Variants in INTS7 observed in about 807,000 individuals in gnomAD.
The protein encoded by INTS7 is integrator complex subunit 7.
In INTS7, 46 loss-of-function variants were observed where a neutral mutation model predicts 109.2. The ratio of observed to expected loss-of-function variants is 0.42; its 90% CI spans 0.33 to 0.54. The LOEUF is 0.54. Ranked by LOEUF, INTS7 falls within the 20% of genes least tolerant of loss-of-function variation. INTS7 has a pLI of 0.07. For missense variants in INTS7, 929 were observed against 1,132.4 expected, an observed-to-expected ratio of 0.82 and a Z score of 2.58; for synonymous variants, 412 against 402.9, an observed-to-expected ratio of 1.02 and a Z score of -0.27.
rs1239852153 is a variant in INTS7, at chr1:211,959,391, TG to T, written c.2184-6691del. On this transcript the variant is annotated intron_variant, in intron 16 of 19. Transcript: ENST00000366994. The surrounding 1 kb of genome is among the most constrained non-coding windows in gnomAD (Gnocchi z 4.2). ...GCTTGCAGTGCAGCCTTGGGTGTCC[TG>T]GGGGGCCTGCATCATAGCTCCTGTG... Among the ~76,000 whole-genome samples the T allele has an allele frequency of 1.3e-5, 2 of 152,116 alleles. No individual in the cohort carries two copies. Among genetic ancestry groups the T allele is most frequent in the Non-Finnish European group, 2.9e-5 (2 of 68,008 alleles).
chr1:211,983,850 G>GT (rs1317863784), intron 8 of INTS7, among the ~76,000 whole-genome samples: 24 of 121,112 alleles, frequency 2.0e-4, no homozygotes, highest in East Asian at 9.0e-4. Flanking sequence ...TGTTTGTTTT[G>GT]TTTTGTTTTT....
At chr1:211,969,303 AAG>A (rs2102411058) in intron 13 of INTS7, among the ~76,000 whole-genome samples, 1 of 151,768 alleles carries the variant, frequency 6.6e-6, no homozygotes, top group East Asian at 1.9e-4. Context: ...ACAAAGAAAA[AAG>A]AAGATAATCG....
intron 16 of INTS7, among the ~76,000 whole-genome samples, chr1:211,957,948 C>T (rs1173479909): frequency 2.3e-4 from 35 of 151,646 alleles, no homozygotes; most frequent in Admixed American, 2.3e-3. Flanking sequence ...TGATATACTA[C>T]TAAATGTAAG....
At chr1:212,029,218 A>G (rs1290428919) in intron 1 of INTS7, among the ~76,000 whole-genome samples, 1 of 152,232 alleles carries the variant, frequency 6.6e-6, no homozygotes, top group Non-Finnish European at 1.5e-5. Context: ...TGAGGCAGAA[A>G]ATGAGTTTAT....
rs762126891 is a variant in INTS7, at chr1:211,976,616, G to A, written c.1574C>T (p.Thr525Ile). 3.1e-6 allele frequency: 5 copies of A among 1,613,824 alleles called. No homozygotes were observed. The South Asian group carries it at 5.5e-5, about 18-fold the overall frequency. ...AGCCTGTCTGGCAATACGGTATACAGTCCATCCATTGGAGACACTTTCAAG... is the reference window on the plus strand; with the variant it reads ...AGCCTGTCTGGCAATACGGTATACAATCCATCCATTGGAGACACTTTCAAG... ...QQLESVSNGW[T>I]VYRIARQASR... The change falls in exon 12 of 20, where the codon ACT becomes ATT. Residue 525 changes from threonine (T) to isoleucine (I), a missense_variant. Around this residue, in one of 2 missense-constraint regions of INTS7, gnomAD observed 787 missense variants for 901.1 expected, o/e 0.87. Transcript: ENST00000366994.
At chr1:211,974,274 AAAATATATATATATAT>A (rs1664314631) in intron 13 of INTS7, among the ~76,000 whole-genome samples, 1 of 79,598 alleles carries the variant, frequency 1.3e-5, no homozygotes. Context: ...CCAGAAAAAA[AAAATATATATATATAT>A]ATATATATAT....
At chr1:212,015,935 ATTT>A (rs1446093797) in intron 4 of INTS7, among the ~76,000 whole-genome samples, 1 of 151,414 alleles carries the variant, frequency 6.6e-6, no homozygotes, top group African/African-American at 2.4e-5. Context: ...TACGGCTTTT[ATTT>A]TTTTTAAACA....
intron 16 of INTS7, among the ~76,000 whole-genome samples, chr1:211,953,891 T>C (rs1402651962): frequency 1.3e-5 from 2 of 152,168 alleles, no homozygotes; most frequent in African/African-American, 4.8e-5. Flanking sequence ...AGCAGCATGA[T>C]TTATAATCCT....
At chr1:211,972,335 C>T (rs1009603299) in intron 13 of INTS7, among the ~76,000 whole-genome samples, 1 of 152,144 alleles carries the variant, frequency 6.6e-6, no homozygotes, top group African/African-American at 2.4e-5. Context: ...GGTATCCACA[C>T]CTTGGGCAGG....
chr1:211,942,019 G>A lies in INTS7; in HGVS notation c.2694C>T (p.Ile898=), dbSNP rs754672025. 2.8e-5 allele frequency: 45 copies of A among 1,614,008 alleles called. No homozygotes were observed. In the Middle Eastern group the frequency reaches 6.6e-4, roughly 24 times the overall value. The change falls in exon 20 of 20, where the codon ATC becomes ATT. Residue 898 remains isoleucine (I), a synonymous_variant. Coordinates refer to ENST00000366994, the MANE Select transcript of INTS7 (RefSeq NM_015434.4). This position sits in a 1 kb window ranked among gnomAD's most constrained non-coding sequence, Gnocchi z 4.2. ...FSTQFLLNFA[I]LGTHNITVES... Reference sequence around the variant, plus strand: ...CCACTGTAATGTTGTGTGTTCCAAGGATAGCAAAGTTCAACAGAAATTGAG... The same window carrying A: ...CCACTGTAATGTTGTGTGTTCCAAGAATAGCAAAGTTCAACAGAAATTGAG...
chr1:211,957,990 T>G (rs951076088), intron 16 of INTS7, among the ~76,000 whole-genome samples: 3 of 152,102 alleles, frequency 2.0e-5, no homozygotes, highest in Non-Finnish European at 4.4e-5. Context: ...CGTTGTCTTA[T>G]TTCATATATT....
At chr1:212,017,588 A>C (rs1206124064) in intron 3 of INTS7, among the ~76,000 whole-genome samples, 1 of 152,240 alleles carries the variant, frequency 6.6e-6, no homozygotes, top group Non-Finnish European at 1.5e-5. Flanking sequence ...CTACTTTATA[A>C]TAAAATCATA....
At chr1:211,986,096 A>C (rs908668860) in intron 8 of INTS7, among the ~76,000 whole-genome samples, 2 of 152,190 alleles carry the variant, frequency 1.3e-5, no homozygotes, top group Non-Finnish European at 2.9e-5. Context: ...AGGTTGACAA[A>C]TGCTTTTGTG....
intron 7 of INTS7, among the ~76,000 whole-genome samples, chr1:212,004,175 C>G (rs1483774812): frequency 2.0e-5 from 3 of 152,090 alleles, no homozygotes; most frequent in African/African-American, 4.8e-5. Context: ...TGACGATTCT[C>G]TACTAAAAAT....
At chr1:212,017,575 A>G (rs73072531) in intron 3 of INTS7, among the ~76,000 whole-genome samples, 5,214 of 152,340 alleles carry the variant, frequency 0.034, 304 homozygotes, top group African/African-American at 0.12. Flanking sequence ...TGGAAAACAC[A>G]GTCTACTTTA....
At chr1:211,967,444 TC>T (rs1663940828) in intron 15 of INTS7, among the ~76,000 whole-genome samples, 1 of 96,246 alleles carries the variant, frequency 1.0e-5, no homozygotes, top group African/African-American at 3.9e-5. Flanking sequence ...AGAGTGAGAC[TC>T]CATCTCAAAA....
rs1666682522 is a variant in INTS7 at position 212,021,230 on chromosome 1, C to T, written c.95-18G>A. The T allele has an allele frequency of 1.3e-6, 2 of 1,578,528 alleles. No individual in the cohort carries two copies. The highest frequency in any genetic ancestry group is 3.9e-5 in the Admixed American group (2 of 51,716). On this transcript the variant is annotated intron_variant, in intron 1 of 19. Coordinates refer to ENST00000366994, the MANE Select transcript of INTS7 (RefSeq NM_015434.4). ...TCTTAGGCCTATGGAAAAAAAAAAGCACAGAGAGGGAAGAACAGTTTGCAT... is the reference window on the plus strand; with the variant it reads ...TCTTAGGCCTATGGAAAAAAAAAAGTACAGAGAGGGAAGAACAGTTTGCAT...
At chr1:211,996,754 G>A (rs1279830269) in intron 7 of INTS7, among the ~76,000 whole-genome samples, 2 of 152,218 alleles carry the variant, frequency 1.3e-5, no homozygotes, top group Admixed American at 1.3e-4. Flanking sequence ...GCCTGGCGCA[G>A]TGGTACACGC....
chr1:211,945,731 A>G (rs1662820031), intron 18 of INTS7, among the ~76,000 whole-genome samples: 1 of 152,256 alleles, frequency 6.6e-6, no homozygotes, highest in Non-Finnish European at 1.5e-5. Flanking sequence ...ACATTAACTA[A>G]CAGGGATAAT....
Sources: allele counts gnomAD v4.1 joint callset (sites outside exome capture counted in the v4.1 genomes callset), GRCh38; gene constraint gnomAD v4.1.1; regional missense constraint gnomAD v4.1.1; non-coding constraint Gnocchi (gnomAD v3.1); transcripts MANE v1.5; gene names NCBI Gene and HGNC (gene_info 2026-07-23, HGNC 2026-07-21).